LRRIQ1: variants seen among roughly 807,000 people sequenced by gnomAD.
LRRIQ1 encodes leucine rich repeats and IQ motif containing 1.
Under a neutral mutation model 211.9 loss-of-function variants are expected in LRRIQ1, and 210 were observed. The ratio of observed to expected loss-of-function variants is 0.99; its 90% CI spans 0.89 to 1.11. The LOEUF is 1.11. LRRIQ1 is among the 50% of genes most tolerant of loss of function. The pLI is 0.00. For missense variants in LRRIQ1, 2,136 were observed against 1,939.5 expected, an observed-to-expected ratio of 1.10 and a Z score of -1.90; for synonymous variants, 699 against 650.1, an observed-to-expected ratio of 1.08 and a Z score of -1.14.
chr12:85,135,245 A>G (rs553977364), intron 18 of LRRIQ1, among the ~76,000 whole-genome samples: 3 of 151,946 alleles, frequency 2.0e-5, no homozygotes, highest in African/African-American at 7.2e-5. Flanking sequence ...TCATGACATC[A>G]TTTAACATGT....
chr12:85,038,403 G>A, intron 2 of LRRIQ1, 95 bp downstream of exon 2: 1 of 856,976 alleles, frequency 1.2e-6, no homozygotes, highest in Non-Finnish European at 1.6e-6. Context: ...CTCATTTTTA[G>A]CAGCATTGTT....
chr12:85,047,095 T>C, intron 5 of LRRIQ1, 152 bp from the exon 6 acceptor site: 1 of 496,998 alleles, frequency 2.0e-6, no homozygotes, highest in Non-Finnish European at 3.5e-6. Flanking sequence ...GGCACATGTA[T>C]ACATATGTAA....
intron 24 of LRRIQ1, among the ~76,000 whole-genome samples, chr12:85,222,946 A>T (rs1406069847): frequency 6.6e-6 from 1 of 152,178 alleles, no homozygotes; most frequent in Non-Finnish European, 1.5e-5. Context: ...AAGGAACCAG[A>T]TTAGTAGTTT....
intron 18 of LRRIQ1, among the ~76,000 whole-genome samples, chr12:85,137,327 C>T (rs1054511177): frequency 2.0e-5 from 3 of 151,292 alleles, no homozygotes; most frequent in African/African-American, 7.3e-5. Flanking sequence ...AAAGCTCATC[C>T]TACTCCAGGA....
In LRRIQ1 at chr12:85,057,169, G is replaced by T; in HGVS notation, c.2376G>T (p.Trp792Cys). The part of the protein sequence containing the change: ...DKLEILRCGP[W>C]DTLQQVTTVT... ...TGGAAATTCTTCGATGTGGCCCTTG[G>T]GATACTTTACAGCAGGTATTTCTAA... The change falls in exon 8 of 27, where the codon TGG becomes TGT. Residue 792 changes from tryptophan to cysteine, a missense_variant. By Grantham distance (215) the Trp-to-Cys change is radical. Transcript: ENST00000393217. 2.7e-6 allele frequency: 4 copies of T among 1,508,340 alleles called. No individual in the cohort carries two copies. The highest frequency in any genetic ancestry group is 2.3e-5 in the Admixed American group (1 of 42,628). The allele number at this position is 1,508,340 out of a possible 1,614,324, so 93.4% of individuals were successfully genotyped here. A position where few individuals can be genotyped will look rare whatever the true frequency, so the allele number is the denominator to read the frequency against.
chr12:85,077,764 G>A (rs1383576517), intron 11 of LRRIQ1, among the ~76,000 whole-genome samples: 2 of 152,038 alleles, frequency 1.3e-5, no homozygotes. Flanking sequence ...TTGAGCTCAC[G>A]AGTTGGAGAC....
At chr12:85,192,641 G>T in intron 24 of LRRIQ1, among the ~76,000 whole-genome samples, 2 of 92,502 alleles carry the variant, frequency 2.2e-5, no homozygotes, top group Non-Finnish European at 1.8e-5. Flanking sequence ...AATATATATA[G>T]TTATATACTA....
chr12:85,213,234 G>GA (rs1166239459), intron 24 of LRRIQ1, among the ~76,000 whole-genome samples: 8 of 151,782 alleles, frequency 5.3e-5, no homozygotes, highest in African/African-American at 1.9e-4. Context: ...ACATTGGGGG[G>GA]AAAAATTACC....
intron 11 of LRRIQ1, among the ~76,000 whole-genome samples, chr12:85,079,052 A>G (rs1385640135): frequency 6.6e-6 from 1 of 152,112 alleles, no homozygotes; most frequent in Non-Finnish European, 1.5e-5. Flanking sequence ...TTGCTATAAT[A>G]TCACAAGTCA....
intron 1 of LRRIQ1, among the ~76,000 whole-genome samples, chr12:85,252,806 C>T (rs956220772): frequency 6.6e-6 from 1 of 151,640 alleles, no homozygotes; most frequent in African/African-American, 2.4e-5. Flanking sequence ...AAAATTGTAC[C>T]TTTGAAGTTA....
intron 24 of LRRIQ1, among the ~76,000 whole-genome samples, chr12:85,170,611 G>A (rs1329277150): frequency 6.6e-6 from 1 of 151,364 alleles, no homozygotes; most frequent in Non-Finnish European, 1.5e-5. Context: ...AGAGATTTCA[G>A]AGCTCTTAGA....
intron 24 of LRRIQ1, among the ~76,000 whole-genome samples, chr12:85,193,594 A>G (rs1892718918): frequency 6.6e-6 from 1 of 150,890 alleles, no homozygotes. Context: ...TGAAGGAGAA[A>G]TAAAATACTT....
chr12:85,246,443 A>C (rs776039901), downstream of LRRIQ1, among the ~76,000 whole-genome samples: 2 of 151,392 alleles, frequency 1.3e-5, no homozygotes, highest in African/African-American at 2.4e-5. Context: ...GTAAGAAATA[A>C]GCAAATTAAA....
chr12:85,158,153 C>G (rs1404420434), intron 23 of LRRIQ1, among the ~76,000 whole-genome samples: 1 of 151,526 alleles, frequency 6.6e-6, no homozygotes, highest in African/African-American at 2.4e-5. Context: ...TAGTAAAATC[C>G]TTGAGGGCTG....
chr12:85,101,308 T>C (rs965191729), intron 13 of LRRIQ1, among the ~76,000 whole-genome samples: 2 of 151,998 alleles, frequency 1.3e-5, no homozygotes, highest in Non-Finnish European at 1.5e-5. Flanking sequence ...TCCTGATTTC[T>C]GTTTTAAATT....
intron 24 of LRRIQ1, among the ~76,000 whole-genome samples, chr12:85,191,226 T>A (rs1282388203): frequency 6.6e-6 from 1 of 151,982 alleles, no homozygotes; most frequent in Non-Finnish European, 1.5e-5. Context: ...GTGCATTATA[T>A]GGATTTTGAC....
chr12:85,238,051 A>G (rs1895274114), intron 26 of LRRIQ1, among the ~76,000 whole-genome samples: 1 of 152,090 alleles, frequency 6.6e-6, no homozygotes, highest in Non-Finnish European at 1.5e-5. Context: ...AACAGATTGA[A>G]ATCTTAATAG....
chr12:85,120,040 T>G (rs78465472), intron 15 of LRRIQ1, among the ~76,000 whole-genome samples: 80 of 152,306 alleles, frequency 5.3e-4, no homozygotes, highest in African/African-American at 1.9e-3. Flanking sequence ...TATTTTTTCT[T>G]TCCTTGATTT....
intron 24 of LRRIQ1, among the ~76,000 whole-genome samples, chr12:85,192,442 A>C (rs1475371249): frequency 1.5e-5 from 2 of 130,662 alleles, no homozygotes; most frequent in Non-Finnish European, 3.1e-5. Context: ...TTATATATAA[A>C]TGTATATAGT....
Sources: gnomAD v4.1 joint callset for allele counts (sites outside exome capture counted in the v4.1 genomes callset) on GRCh38, gnomAD v4.1.1 for gene constraint, MANE v1.5 for transcripts, NCBI Gene and HGNC (gene_info 2026-07-23, HGNC 2026-07-21) for gene names.